Variants in FBXL13 observed in about 807,000 individuals in gnomAD.
FBXL13 encodes the protein F-box and leucine rich repeat protein 13.
Under a neutral mutation model 83.6 loss-of-function variants are expected in FBXL13, and 67 were observed. That is an observed-to-expected ratio of 0.80 (90% CI 0.66 to 0.98). The LOEUF (loss-of-function observed/expected upper bound fraction) is 0.98, where lower values mean the gene tolerates loss of function less well. Ranked by LOEUF, FBXL13 falls within the 50% of genes least tolerant of loss-of-function variation. The pLI is 0.00. For missense variants in FBXL13, 822 were observed against 866.5 expected (o/e 0.95, Z 0.64); for synonymous variants, 272 against 299.5 (o/e 0.91, Z 0.95).
chr7:102,912,402 G>T (rs1475761680), intron 11 of FBXL13, among the ~76,000 whole-genome samples: 1 of 152,084 alleles, frequency 6.6e-6, no homozygotes, highest in Admixed American at 6.5e-5. Context: ...AAGAAAATAA[G>T]TTAAAAGAAT....
intron 8 of FBXL13, chr7:102,933,644 G>C (rs1003727509): frequency 4.2e-6 from 1 of 238,858 alleles, no homozygotes; most frequent in African/African-American, 2.3e-5. Context: ...ACTAAGAGGG[G>C]AAGGAGCTTT....
chr7:102,969,254 T>TA (rs1363980251), intron 6 of FBXL13, among the ~76,000 whole-genome samples: 1 of 152,204 alleles, frequency 6.6e-6, no homozygotes, highest in African/African-American at 2.4e-5. Context: ...AATATATACT[T>TA]ATCATTGTGC....
rs540898466 is a variant in FBXL13 at position 103,034,963 on chromosome 7, C to T, written c.1-5545G>A. Among the ~76,000 whole-genome samples, 5 of 152,134 alleles carry T rather than the reference C, an allele frequency of 3.3e-5. No homozygotes were observed. In the East Asian group the frequency reaches 7.7e-4, roughly 23 times the overall value. On this transcript the variant is annotated intron_variant, in intron 2 of 19. Coordinates refer to ENST00000313221, the Ensembl canonical transcript of FBXL13. ...TTTCCTTTCAAAGCTGGTGGGAAAA[C>T]GAATTAAAAGTTTAAGTATTGCCAC... is the stretch of plus-strand genomic sequence containing the variant.
At chr7:102,911,557 A>G (rs984369930) in intron 11 of FBXL13, among the ~76,000 whole-genome samples, 1 of 152,192 alleles carries the variant, frequency 6.6e-6, no homozygotes, top group African/African-American at 2.4e-5. Flanking sequence ...GAACTGAGAG[A>G]TATCTTCTTT....
chr7:102,883,550 A>AT lies in FBXL13; in HGVS notation c.1225+17dup, dbSNP rs1563040409. ...AAAGTAAACAATAATGCTGAACCACATTTTTAATATAACAGACCTTCAAAT... is the reference window on the plus strand; with the variant it reads ...AAAGTAAACAATAATGCTGAACCACATTTTTTAATATAACAGACCTTCAAAT... On this transcript the variant is annotated intron_variant, in intron 13 of 19. Coordinates refer to ENST00000313221, the Ensembl canonical transcript of FBXL13. 1.9e-6 allele frequency: 3 copies of AT among 1,590,816 alleles called. No homozygotes were observed. Among genetic ancestry groups the AT allele is most frequent in the Admixed American group, 1.7e-5 (1 of 58,476 alleles).
downstream of FBXL13, among the ~76,000 whole-genome samples, chr7:102,811,535 A>G (rs375814086): frequency 2.0e-5 from 3 of 152,160 alleles, no homozygotes; most frequent in East Asian, 5.8e-4. Flanking sequence ...AAAGGATGTT[A>G]CTCAAAGAGC....
chr7:102,878,492 TAAAC>T, intron 14 of FBXL13, 42 bp from the exon 16 acceptor site: 27 of 1,412,596 alleles, frequency 1.9e-5, no homozygotes, highest in Non-Finnish European at 2.2e-5. Flanking sequence ...ATTCTATATA[TAAAC>T]ATATAGAATA....
At chr7:102,980,730 T>C (rs1463796063) in intron 6 of FBXL13, among the ~76,000 whole-genome samples, 3 of 151,606 alleles carry the variant, frequency 2.0e-5, no homozygotes, top group Non-Finnish European at 4.4e-5. Context: ...TGAGCTGAGA[T>C]CGTGCCACTG....
chr7:102,955,227 G>C (rs1017155012), intron 8 of FBXL13, among the ~76,000 whole-genome samples: 3 of 151,652 alleles, frequency 2.0e-5, no homozygotes, highest in Admixed American at 1.3e-4. Context: ...TAGAACTCAG[G>C]ATTAACAAAC....
intron 6 of FBXL13, among the ~76,000 whole-genome samples, chr7:102,999,302 T>C (rs1001457806): frequency 6.6e-6 from 1 of 152,182 alleles, no homozygotes; most frequent in Non-Finnish European, 1.5e-5. Flanking sequence ...CTTTTTACCA[T>C]GTTGTTGTAT....
intron 2 of FBXL13, among the ~76,000 whole-genome samples, chr7:103,038,665 AC>A (rs1795333128): frequency 4.6e-5 from 7 of 152,236 alleles, no homozygotes; most frequent in African/African-American, 1.7e-4. Flanking sequence ...CACTGGTGAT[AC>A]ATAGGCAAAC....
intron 5 of FBXL13, among the ~76,000 whole-genome samples, chr7:103,026,862 T>A (rs940107882): frequency 1.3e-5 from 2 of 152,190 alleles, no homozygotes; most frequent in African/African-American, 4.8e-5. Context: ...AAATATCTCC[T>A]ACTAAATAAT....
At chr7:102,847,142 C>A (rs1030861741) in intron 17 of FBXL13, among the ~76,000 whole-genome samples, 1 of 151,710 alleles carries the variant, frequency 6.6e-6, no homozygotes, top group African/African-American at 2.4e-5. Context: ...TGGGAAGTTG[C>A]GACAGAGACT....
chr7:103,068,159 C>A (rs1378981252), intron 1 of FBXL13, among the ~76,000 whole-genome samples: 2 of 152,084 alleles, frequency 1.3e-5, no homozygotes, highest in African/African-American at 4.8e-5. Flanking sequence ...ACGGAACATC[C>A]CTGTGAATAC....
intron 17 of FBXL13, among the ~76,000 whole-genome samples, chr7:102,834,179 TC>T (rs1233217356): frequency 6.7e-6 from 1 of 150,244 alleles, no homozygotes; most frequent in African/African-American, 2.4e-5. Context: ...GGAAATTTCC[TC>T]CCCCAAAATG....
chr7:102,856,736 A>G (rs1159234531), intron 16 of FBXL13, among the ~76,000 whole-genome samples: 2 of 152,236 alleles, frequency 1.3e-5, no homozygotes, highest in East Asian at 1.9e-4. Flanking sequence ...TAAAATACAG[A>G]TAATAAAATG....
At position 102,833,583 on chromosome 7, in the gene FBXL13, C is replaced by T. The variant is rs150928861; in HGVS notation, c.1720-609G>A. The stretch of plus-strand genomic sequence containing the variant: ...TTGGGACTACAGGCGTGCACCACCA[C>T]GCCCGGCTAATTCTTTTTTTTTTTT... On this transcript the variant is annotated intron_variant, in intron 17 of 19. Transcript: ENST00000313221. Among the ~76,000 whole-genome samples, 507 of 151,046 alleles carry T rather than the reference C, an allele frequency of 3.4e-3. 4 individuals carry two copies. The highest frequency in any genetic ancestry group is 0.012 in the African/African-American group (485 of 41,198).
rs140396878 is a variant in FBXL13, at chr7:102,874,448, T to C, written c.1635+3019A>G. 1.6e-3 allele frequency: 1,048 copies of C among 648,174 alleles called. 32 individuals carry two copies. In the Admixed American group the frequency reaches 0.058, roughly 36 times the overall value. 40.2% of individuals were successfully genotyped at this position (648,174 alleles called of 1,614,324 possible). A position where few individuals can be genotyped will look rare whatever the true frequency, so the allele number is the denominator to read the frequency against. ...TTTTCAATCTTTTAGCAGAAAACAA[T>C]TAGTATACTTCCCCATAGATATCCA... On this transcript the variant is annotated intron_variant, in intron 16 of 19. Transcript: ENST00000313221.
chr7:102,914,059 A>G (rs1815313362), intron 10 of FBXL13, among the ~76,000 whole-genome samples: 1 of 152,182 alleles, frequency 6.6e-6, no homozygotes, highest in Admixed American at 6.5e-5. Context: ...CAAGCCCTCC[A>G]AAGCCTGGAA....
Sources: allele counts gnomAD v4.1 joint callset (sites outside exome capture counted in the v4.1 genomes callset), GRCh38; gene constraint gnomAD v4.1.1; transcripts MANE v1.5; gene names NCBI Gene and HGNC (gene_info 2026-07-23, HGNC 2026-07-21).